The following NOP53 variants were observed in gnomAD, a reference collection of about 807,000 sequenced individuals.
NOP53 encodes the protein ribosome biogenesis protein NOP53.
NOP53 carries 40 observed loss-of-function variants against 61.0 expected under a neutral mutation model. That is an observed-to-expected ratio of 0.66 (90% CI 0.51 to 0.85). The LOEUF is 0.85. Among genes scored for constraint, NOP53 ranks in the 40% least tolerant of loss-of-function variants. NOP53 has a pLI of 0.00. For synonymous variants in NOP53, 308 were observed against 289.5 expected, an observed-to-expected ratio of 1.06 and a Z score of -0.65; for missense variants, 689 against 652.9, an observed-to-expected ratio of 1.06 and a Z score of -0.60.
chr19:47,751,524 C>T lies in NOP53; in HGVS notation c.603C>T (p.Pro201=), dbSNP rs753859740. 6.2e-7 allele frequency: 1 copy of T among 1,613,800 alleles called. No individual in the cohort carries two copies. The highest frequency in any genetic ancestry group is 8.5e-7 in the Non-Finnish European group (1 of 1,179,786). ...PFYDLWASDN[P]LDRPLVGQDE... ...CTCCCCTCGCTGTATCCACAGACCC[C>T]CTGGACAGGCCGTTGGTTGGCCAGG... Residue 201 remains proline (P), a synonymous_variant, in exon 5 of 13, where the codon CCC becomes CCT. Coordinates refer to ENST00000246802, the MANE Select transcript of NOP53 (RefSeq NM_015710.5).
intron 6 of NOP53, chr19:47,753,730 T>C (rs1332360177): frequency 6.6e-6 from 1 of 152,184 alleles, no homozygotes; most frequent in Non-Finnish European, 1.5e-5. Context: ...CATTCACTTT[T>C]AGATTTGTAC....
intron 10 of NOP53, 47 bp downstream of exon 10, chr19:47,755,869 C>A (rs1169265459): frequency 1.3e-6 from 2 of 1,492,792 alleles, no homozygotes; most frequent in African/African-American, 1.4e-5. Context: ...GTGATGACAC[C>A]ATCCTTGCTC....
rs560043392 is a variant in NOP53 at position 47,748,315 on chromosome 19, G to A, written c.289+1284G>A. Among the ~76,000 whole-genome samples the A allele has an allele frequency of 2.6e-5, 4 of 152,108 alleles. No individual in the cohort carries two copies. The South Asian group carries it at 8.3e-4, about 32-fold the overall frequency. ...CTTGCCTTAAGTTGCTAGAATGTAG[G>A]GTGGGGATCTGCTGAAACAAGATGA... On this transcript the variant is annotated intron_variant, in intron 2 of 12. Coordinates refer to ENST00000246802, the MANE Select transcript of NOP53 (RefSeq NM_015710.5).
At chr19:47,755,174 G>T (rs1454277346) in intron 8 of NOP53, among the ~76,000 whole-genome samples, 174 bp from the exon 9 acceptor site, 1 of 152,174 alleles carries the variant, frequency 6.6e-6, no homozygotes, top group African/African-American at 2.4e-5. Context: ...GATGACAAAA[G>T]GGGCTTCAGC....
At position 47,754,410 on chromosome 19, in the gene NOP53, A is replaced by G; in HGVS notation, c.766-117A>G. The stretch of plus-strand genomic sequence containing the variant: ...CTGGTAGACGGGGTGTGGGGAGGAA[A>G]GCCTGGGCCGGGGCGGGATCCACGG... On this transcript the variant is annotated intron_variant, in intron 6 of 12. Transcript: ENST00000246802. The surrounding 1 kb of genome is among the most constrained non-coding windows in gnomAD (Gnocchi z 4.2). The G allele has an allele frequency of 1.3e-6, 1 of 792,990 alleles. No homozygotes were observed. 49.1% of individuals were successfully genotyped at this position (792,990 alleles called of 1,614,324 possible).
chr19:47,748,897 C>CTCT (rs1967093590), intron 2 of NOP53, among the ~76,000 whole-genome samples: 1 of 151,530 alleles, frequency 6.6e-6, no homozygotes, highest in Admixed American at 6.6e-5. Flanking sequence ...CGTGGTGGCT[C>CTCT]ACGCCTGTAA....
chr19:47,749,693 T>C (rs912522751), intron 2 of NOP53, among the ~76,000 whole-genome samples: 11 of 152,054 alleles, frequency 7.2e-5, no homozygotes, highest in South Asian at 2.1e-4. Flanking sequence ...GGGTCCCAAG[T>C]CCACTTCTGT....
Position 47,756,752 on chromosome 19 carries a change from C to G in NOP53, c.1430+8C>G. On this transcript the variant is annotated splice_region_variant and intron_variant, in intron 12 of 12. Transcript: ENST00000246802. The stretch of plus-strand genomic sequence containing the variant: ...GGCGTTCCGTGAGATCCAGTGAGTC[C>G]ACCCGGCTTCGGCGCAAGGAAGGGA... The G allele has an allele frequency of 6.2e-7, 1 of 1,613,068 alleles. No individual in the cohort carries two copies. The highest frequency in any genetic ancestry group is 1.1e-5 in the South Asian group (1 of 91,074).
intron 1 of NOP53, chr19:47,746,240 T>C (rs1399811231): frequency 2.0e-5 from 3 of 153,830 alleles, no homozygotes; most frequent in African/African-American, 7.2e-5. Context: ...CAGGCTGGAG[T>C]AGGCGCGATC....
intron 9 of NOP53, 109 bp from the exon 10 acceptor site, chr19:47,755,647 A>G (rs1478814788): frequency 7.9e-7 from 1 of 1,264,708 alleles, no homozygotes; most frequent in South Asian, 1.5e-5. Flanking sequence ...CTCTTCCCCC[A>G]CAAAACCCCA....
chr19:47,750,406 G>T, intron 3 of NOP53, 120 bp downstream of exon 3: 1 of 673,472 alleles, frequency 1.5e-6, no homozygotes. Context: ...TCAGGTTTGG[G>T]CTTCGGAGTG....
At chr19:47,752,722 CCGCAACGGGGCTCACGGTCCAG>C in intron 6 of NOP53, 115 bp downstream of exon 6, 1 of 690,064 alleles carries the variant, frequency 1.4e-6, no homozygotes, top group Non-Finnish European at 2.6e-6. Context: ...CTGGGCCTGT[CCGCAACGGGGCTCACGGTCCAG>C]TGCAAGAGAC....
rs541080070 is a variant in NOP53, at chr19:47,745,695, C to G, written c.136C>G (p.Arg46Gly). The G allele has an allele frequency of 2.5e-6, 4 of 1,612,280 alleles. No individual in the cohort carries two copies. The highest frequency in any genetic ancestry group is 1.3e-5 in the African/African-American group (1 of 74,986). ...GCGGCGAGGCCCAAGAAATAAGAAG[C>G]GGGGCTGGCGGCGGCTTGCTCAGGA... ...RRRRGPRNKK[R>G]GWRRLAQEPL... The change falls in exon 1 of 13, where the codon CGG (arginine) becomes GGG (glycine). Residue 46 changes from arginine to glycine, a missense_variant. Transcript: ENST00000246802.
intron 8 of NOP53, 57 bp from the exon 9 acceptor site, chr19:47,755,291 A>AG (rs1234224206): frequency 4.3e-5 from 52 of 1,201,632 alleles, no homozygotes; most frequent in Non-Finnish European, 5.5e-5. Flanking sequence ...TGTAGAGAGA[A>AG]GGTCTCCCTG....
intron 1 of NOP53, chr19:47,746,719 T>C: frequency 2.6e-6 from 1 of 377,622 alleles, no homozygotes; most frequent in Non-Finnish European, 4.8e-6. Context: ...GCCAGGCTGC[T>C]CTTGAACTCC....
At position 47,756,590 on chromosome 19, in the gene NOP53, T is replaced by A; in HGVS notation, c.1359T>A (p.Pro453=). 6.2e-7 allele frequency: 1 copy of A among 1,613,992 alleles called. No homozygotes were observed. The highest frequency in any genetic ancestry group is 8.5e-7 in the Non-Finnish European group (1 of 1,179,948). The change falls in exon 11 of 13, where the codon CCT becomes CCA. Residue 453 remains proline (P), a synonymous_variant. Transcript: ENST00000246802. ...KSFQRRNMIE[P]RERAKFKRKY... Reference sequence around the variant, plus strand: ...TCCAGAGGAGGAATATGATCGAGCCTCGAGAGAGAGCCAAGTAAGGGGCGG... The same window carrying A: ...TCCAGAGGAGGAATATGATCGAGCCACGAGAGAGAGCCAAGTAAGGGGCGG...
chr19:47,755,712 G>T, intron 9 of NOP53, 44 bp from the exon 10 acceptor site: 1 of 1,541,482 alleles, frequency 6.5e-7, no homozygotes, highest in Non-Finnish European at 8.8e-7. Flanking sequence ...GGTGTCCTGG[G>T]CCCCGCGGGG....
chr19:47,756,838 T>C lies in NOP53; in HGVS notation c.1430+94T>C, dbSNP rs1967207619. ...AGGGCCCCTTCCAGAGTGTGGCTAG[T>C]GGCTGAGCCACACCCCCTTGGCCAT... On this transcript the variant is annotated intron_variant, in intron 12 of 12. Coordinates refer to ENST00000246802, the MANE Select transcript of NOP53 (RefSeq NM_015710.5). 4 of 1,499,998 alleles carry C rather than the reference T, an allele frequency of 2.7e-6. No individual in the cohort carries two copies. The East Asian group carries it at 9.0e-5, about 34-fold the overall frequency. The allele number at this position is 1,499,998 out of a possible 1,614,324, so 92.9% of individuals were successfully genotyped here.
chr19:47,745,660 T>A lies in NOP53; in HGVS notation c.101T>A (p.Leu34Gln). The A allele has an allele frequency of 6.2e-7, 1 of 1,613,594 alleles. No homozygotes were observed. Among genetic ancestry groups the A allele is most frequent in the South Asian group, 1.1e-5 (1 of 91,052 alleles). Residue 34 changes from leucine to glutamine, a missense_variant, in exon 1 of 13, where the codon CTG becomes CAG. Coordinates refer to ENST00000246802, the MANE Select transcript of NOP53 (RefSeq NM_015710.5). ...GLRPTSVDPA[L>Q]RRRRRGPRNK... ...CGGCCCACTTCGGTGGACCCAGCGCTGAGGCGGCGGCGGCGAGGCCCAAGA... is the reference window on the plus strand; with the variant it reads ...CGGCCCACTTCGGTGGACCCAGCGCAGAGGCGGCGGCGGCGAGGCCCAAGA...
Sources: allele counts gnomAD v4.1 joint callset (sites outside exome capture counted in the v4.1 genomes callset), GRCh38; gene constraint gnomAD v4.1.1; non-coding constraint Gnocchi (gnomAD v3.1); transcripts MANE v1.5; gene names NCBI Gene and HGNC (gene_info 2026-07-23, HGNC 2026-07-21).